The following DMBT1 variants were observed in gnomAD, a reference collection of about 807,000 sequenced individuals.
The protein encoded by DMBT1 is deleted in malignant brain tumors 1, also known as scavenger receptor cysteine-rich domain-containing protein DMBT1.
Under a neutral mutation model 252.9 loss-of-function variants are expected in DMBT1, and 198 were observed. That is an observed-to-expected ratio of 0.78 (90% confidence interval 0.70 to 0.88). The LOEUF (loss-of-function observed/expected upper bound fraction) is 0.88, where lower values mean the gene tolerates loss of function less well. Ranked by LOEUF, DMBT1 falls within the 40% of genes least tolerant of loss-of-function variation. The probability of loss-of-function intolerance (pLI) is 0.00; values close to 1 mark genes in which losing one functional copy is unlikely to be tolerated. For missense variants in DMBT1, 2,432 were observed against 2,404.7 expected (o/e 1.01, Z -0.24); for synonymous variants, 990 against 942.7 (o/e 1.05, Z -0.92).
chr10:122,624,388 G>C (rs925738546), intron 44 of DMBT1, among the ~76,000 whole-genome samples: 1 of 152,170 alleles, frequency 6.6e-6, no homozygotes, highest in Non-Finnish European at 1.5e-5. Flanking sequence ...TGAAGAACAG[G>C]CTTCCGTCAA....
In DMBT1 at chr10:122,631,041, T is replaced by A. The variant is rs2098160925; in HGVS notation, c.6106T>A (p.Trp2036Arg). ...TGTAGAAATTTACCATGGTGGCACCTGGGGGACAGTTTGTGATGACTCCTG... is the reference window on the plus strand; with the variant it reads ...TGTAGAAATTTACCATGGTGGCACCAGGGGGACAGTTTGTGATGACTCCTG... ...GRVEIYHGGTWGTVCDDSWTI... is the reference protein window; with the variant it reads ...GRVEIYHGGTRGTVCDDSWTI... Residue 2036 changes from tryptophan to arginine, a missense_variant, in exon 49 of 56, where the codon TGG becomes AGG. By Grantham distance (101) the Trp-to-Arg change is moderately radical. This residue lies in a region of DMBT1 where 1,162 missense variants were observed against 1,169.0 expected (regional missense o/e 0.99). Transcript: ENST00000338354. 6.2e-7 allele frequency: 1 copy of A among 1,613,752 alleles called. No individual in the cohort carries two copies. The highest frequency in any genetic ancestry group is 8.5e-7 in the Non-Finnish European group (1 of 1,179,680).
chr10:122,630,105 C>G (rs1173870194), intron 47 of DMBT1, 112 bp downstream of exon 47: 13 of 1,470,658 alleles, frequency 8.8e-6, no homozygotes, highest in Non-Finnish European at 1.1e-5. Flanking sequence ...CATGGACAAG[C>G]TTTTGGTGGC....
At chr10:122,573,958 T>C (rs556122762) in intron 6 of DMBT1, among the ~76,000 whole-genome samples, 196 bp downstream of exon 6, 3 of 152,296 alleles carry the variant, frequency 2.0e-5, no homozygotes, top group African/African-American at 7.2e-5. Context: ...AGGAATCAAC[T>C]TGAAGACGCG....
Position 122,598,879 on chromosome 10 carries a change from G to C in DMBT1, c.3062G>C (p.Ser1021Thr). 6.2e-7 allele frequency: 1 copy of C among 1,613,850 alleles called. No individual in the cohort carries two copies. ...QGSWGTVCDD[S>T]WDTNDANVVC... The stretch of plus-strand genomic sequence containing the variant: ...TCCTGGGGCACCGTGTGCGATGACA[G>C]CTGGGACACCAATGATGCCAATGTC... Residue 1021 changes from serine (S) to threonine (T), a missense_variant, in exon 26 of 56, where the codon AGC (serine) becomes ACC (threonine). Around this residue, in one of 3 missense-constraint regions of DMBT1, gnomAD observed 1,264 missense variants for 1,082.2 expected, o/e 1.17. Transcript: ENST00000338354.
chr10:122,566,014 C>T lies in DMBT1; in HGVS notation c.91+18C>T. The stretch of plus-strand genomic sequence containing the variant: ...AGACTACGGTAAGACCTTTTCTTCA[C>T]TCCTCTTCCCTGGTGGGGTTGGCCA... On this transcript the variant is annotated intron_variant, in intron 2 of 55. Coordinates refer to ENST00000338354, the MANE Select transcript of DMBT1 (RefSeq NM_001377530.1). 6.2e-7 allele frequency: 1 copy of T among 1,613,662 alleles called. No individual in the cohort carries two copies. Among genetic ancestry groups the T allele is most frequent in the Non-Finnish European group, 8.5e-7 (1 of 1,179,614 alleles).
chr10:122,598,382 G>A (rs1352997761), intron 25 of DMBT1, among the ~76,000 whole-genome samples: 1 of 152,206 alleles, frequency 6.6e-6, no homozygotes, highest in Non-Finnish European at 1.5e-5. Context: ...GTCTGGCCAA[G>A]GCCTTGTCAT....
chr10:122,640,926 T>G (rs1844416144), intron 55 of DMBT1, among the ~76,000 whole-genome samples: 1 of 152,170 alleles, frequency 6.6e-6, no homozygotes, highest in African/African-American at 2.4e-5. Flanking sequence ...TATGGACCAG[T>G]TGCTCGCCTG....
At chr10:122,600,267 C>T (rs1266151925) in intron 27 of DMBT1, among the ~76,000 whole-genome samples, 174 bp downstream of exon 27, 1 of 150,348 alleles carries the variant, frequency 6.7e-6, no homozygotes, top group Non-Finnish European at 1.5e-5. Context: ...TAAACACACA[C>T]AGGATTGAGG....
At chr10:122,571,234 T>C (rs1027655233) in intron 4 of DMBT1, among the ~76,000 whole-genome samples, 3 of 152,184 alleles carry the variant, frequency 2.0e-5, no homozygotes, top group African/African-American at 7.2e-5. Flanking sequence ...ACAATGAAGG[T>C]CAAGCGGTTA....
chr10:122,578,170 G>A (rs554014363), intron 8 of DMBT1, among the ~76,000 whole-genome samples: 69 of 152,276 alleles, frequency 4.5e-4, no homozygotes, highest in African/African-American at 1.6e-3. Flanking sequence ...AATTGAGGGT[G>A]AGACCCTCTA....
intron 52 of DMBT1, among the ~76,000 whole-genome samples, chr10:122,634,737 T>A (rs183690270): frequency 6.6e-6 from 1 of 152,220 alleles, no homozygotes; most frequent in Non-Finnish European, 1.5e-5. Flanking sequence ...CCTCAGGTTA[T>A]CCTCCCACCT....
Position 122,630,456 on chromosome 10 carries a change from T to C in DMBT1, c.5991T>C (p.Thr1997=). The C allele has an allele frequency of 6.2e-7, 1 of 1,614,036 alleles. No homozygotes were observed. The highest frequency in any genetic ancestry group is 1.7e-5 in the Admixed American group (1 of 60,026). Residue 1997 remains threonine (T), a synonymous_variant, in exon 48 of 56, where the codon ACT becomes ACC. Transcript: ENST00000338354. ...GAAGTGACATCAGTTTCCAAAACAC[T>C]GGCTTTTTGGCTTGGTATAACTCCT... ...HFRSDISFQN[T]GFLAWYNSFP... is the part of the protein sequence containing the mutation.
Position 122,621,161 on chromosome 10 carries a change from A to G in DMBT1, c.5389A>G (p.Ser1797Gly). ...CTCCTGGGGAACCGTGTGTGATGAC[A>G]GCTGGGACACCAATGATGCCAATGT... ...RGSWGTVCDD[S>G]WDTNDANVVC... Residue 1797 changes from serine to glycine, a missense_variant, in exon 44 of 56, where the codon AGC (serine) becomes GGC (glycine). Physicochemically the swap from Ser to Gly is moderately conservative, Grantham distance 56. Coordinates refer to ENST00000338354, the MANE Select transcript of DMBT1 (RefSeq NM_001377530.1). The G allele has an allele frequency of 6.2e-7, 1 of 1,613,872 alleles. No individual in the cohort carries two copies. The highest frequency in any genetic ancestry group is 1.7e-5 in the Admixed American group (1 of 60,000).
intron 7 of DMBT1, among the ~76,000 whole-genome samples, chr10:122,577,030 C>G (rs1185704839): frequency 1.3e-5 from 2 of 152,216 alleles, no homozygotes; most frequent in East Asian, 3.8e-4. Context: ...ACGGTCAGCA[C>G]AAATCCCCAA....
chr10:122,585,721 C>T (rs893665518), intron 15 of DMBT1, among the ~76,000 whole-genome samples: 1 of 148,500 alleles, frequency 6.7e-6, no homozygotes, highest in East Asian at 2.1e-4. Flanking sequence ...CAGACAGGAC[C>T]ATAGGATTGC....
intron 1 of DMBT1, among the ~76,000 whole-genome samples, chr10:122,562,530 C>T (rs2097557399): frequency 6.6e-6 from 1 of 152,224 alleles, no homozygotes; most frequent in Non-Finnish European, 1.5e-5. Context: ...AACTGGGAGG[C>T]TGCGTCCTCA....
chr10:122,597,908 A>T, intron 24 of DMBT1, 66 bp from the exon 25 acceptor site: 1 of 1,611,430 alleles, frequency 6.2e-7, no homozygotes, highest in Admixed American at 1.7e-5. Context: ...TTCTCCGGAG[A>T]CCTTTCCTTT....
rs113307762 is a variant in DMBT1, at chr10:122,643,555, C to A, written c.*157C>A. On this transcript the variant is annotated 3_prime_UTR_variant, in exon 56 of 56. Transcript: ENST00000338354. The stretch of plus-strand genomic sequence containing the variant: ...GAATCAGACCTGGTTCCCGCCTCCC[C>A]CAAGGCTCATGGTCCTTGGAGGACC... 9 of 1,118,812 alleles carry A rather than the reference C, an allele frequency of 8.0e-6. No individual in the cohort carries two copies. In the African/African-American group the frequency reaches 1.1e-4, roughly 14 times the overall value. The allele number at this position is 1,118,812 out of a possible 1,614,324, so 69.3% of individuals were successfully genotyped here.
In DMBT1 at chr10:122,598,962, G is replaced by A; in HGVS notation, c.3145G>A (p.Gly1049Ser). 6.2e-7 allele frequency: 1 copy of A among 1,613,794 alleles called. No homozygotes were observed. Among genetic ancestry groups the A allele is most frequent in the South Asian group, 1.1e-5 (1 of 91,076 alleles). Residue 1049 changes from glycine to serine, a missense_variant, in exon 26 of 56, where the codon GGT becomes AGT. Transcript: ENST00000338354. Reference protein sequence around the residue: ...AMSAPGNARFGQGSGPIVLDD... With the variant: ...AMSAPGNARFSQGSGPIVLDD... ...GTCAGCCCCAGGAAATGCCCGGTTT[G>A]GTCAGGGCTCAGGACCCATTGTCCT...
Sources: allele counts gnomAD v4.1 joint callset (sites outside exome capture counted in the v4.1 genomes callset), GRCh38; gene constraint gnomAD v4.1.1; regional missense constraint gnomAD v4.1.1; transcripts MANE v1.5; gene names NCBI Gene and HGNC (gene_info 2026-07-23, HGNC 2026-07-21).